Variants in RAB29 observed in about 807,000 individuals in gnomAD.
RAB29 encodes the protein RAB29, member RAS oncogene family.
Under a neutral mutation model 25.5 loss-of-function variants are expected in RAB29, and 13 were observed. The ratio of observed to expected loss-of-function variants is 0.51; its 90% CI spans 0.33 to 0.81. The LOEUF (loss-of-function observed/expected upper bound fraction) is 0.81, where lower values mean the gene tolerates loss of function less well. Ranked by LOEUF, RAB29 falls within the 30% of genes least tolerant of loss-of-function variation. The probability of loss-of-function intolerance (pLI) is 0.02; values close to 1 mark genes in which losing one functional copy is unlikely to be tolerated. For missense variants in RAB29, 201 were observed against 254.9 expected (o/e 0.79, Z 1.44); for synonymous variants, 88 against 95.0 (o/e 0.93, Z 0.43).
intron 2 of RAB29, among the ~76,000 whole-genome samples, chr1:205,772,978 T>G (rs1374013564): frequency 1.3e-5 from 2 of 152,174 alleles, no homozygotes; most frequent in African/African-American, 4.8e-5. Context: ...CACATTCAAT[T>G]TCACTGTTGG....
At chr1:205,771,310 AAAG>A (rs751101225) in intron 4 of RAB29, 159 bp downstream of exon 4, 9,554 of 482,418 alleles carry the variant, frequency 0.02, 26 homozygotes, top group East Asian at 0.037. Flanking sequence ...AAAAAAAAAA[AAAG>A]AAAGAAAGTC....
At chr1:205,773,377 A>G (rs943404313) in intron 2 of RAB29, among the ~76,000 whole-genome samples, 3 of 152,242 alleles carry the variant, frequency 2.0e-5, no homozygotes, top group Admixed American at 6.5e-5. Context: ...GCAATTGTTA[A>G]AAATTAACTA....
In RAB29 at chr1:205,769,083, A is replaced by G. The variant is rs148445283; in HGVS notation, c.*1259T>C. ...ACTAAAAAGCCCTGCCCAATTTAGT[A>G]CTTAAATTACCTAATGATTTTCTGT... On this transcript the variant is annotated 3_prime_UTR_variant, in exon 6 of 6. Coordinates refer to ENST00000367139, the MANE Select transcript of RAB29 (RefSeq NM_003929.3). The G allele has an allele frequency of 1.8e-3, 277 of 152,348 alleles. 1 individual carries two copies. The highest frequency in any genetic ancestry group is 6.3e-3 in the African/African-American group (262 of 41,578). The allele number at this position is 152,348 out of a possible 1,614,324, so 9.4% of individuals were successfully genotyped here.
chr1:205,774,807 C>G, intron 2 of RAB29, 26 bp downstream of exon 2: 1 of 1,491,100 alleles, frequency 6.7e-7, no homozygotes, highest in Non-Finnish European at 9.2e-7. Flanking sequence ...CTCCCCCTCC[C>G]CCTCCCCACC....
chr1:205,772,389 C>T, intron 3 of RAB29, 107 bp downstream of exon 3: 1 of 1,154,370 alleles, frequency 8.7e-7, no homozygotes, highest in African/African-American at 1.5e-5. Flanking sequence ...TCAATCATTC[C>T]AGCTTCAGAA....
At chr1:205,774,798 T>TGCCCCCCC in intron 2 of RAB29, 35 bp downstream of exon 2, 4 of 658,516 alleles carry the variant, frequency 6.1e-6, no homozygotes, top group Non-Finnish European at 1.1e-5. Context: ...GGCCTCCTCC[T>TGCCCCCCC]CCCCCTCCCC....
chr1:205,773,072 A>AGAATGGAAT (rs1448867267), intron 2 of RAB29, among the ~76,000 whole-genome samples: 49 of 152,338 alleles, frequency 3.2e-4, no homozygotes, highest in African/African-American at 1.2e-3. Context: ...ATCTTGGGCA[A>AGAATGGAAT]GAATGGAATA....
chr1:205,772,550 C>G lies in RAB29; in HGVS notation c.142G>C (p.Val48Leu), dbSNP rs1229777495. 1.9e-6 allele frequency: 3 copies of G among 1,613,758 alleles called. No homozygotes were observed. The highest frequency in any genetic ancestry group is 2.7e-5 in the African/African-American group (2 of 75,008). ...STVGVDFALK[V>L]LQWSDYEIVR... is the part of the protein sequence containing the mutation. The stretch of plus-strand genomic sequence containing the variant: ...ATCTCGTAGTCAGACCACTGGAGAA[C>G]CTTCAGAGCAAAATCCACTGAAAAT... The change falls in exon 3 of 6, where the codon GTT becomes CTT. Residue 48 changes from valine (V) to leucine (L), a missense_variant. By Grantham distance (32) the Val-to-Leu change is conservative (BLOSUM62 1). Coordinates refer to ENST00000367139, the MANE Select transcript of RAB29 (RefSeq NM_003929.3).
chr1:205,775,080 G>T lies in RAB29; in HGVS notation c.-124C>A. ...AGTGAGGCATTCCCACCCACCGCCT[G>T]TCTGGGCTGCTCTGACGAGAAAGCA... On this transcript the variant is annotated 5_prime_UTR_variant, in exon 2 of 6. Coordinates refer to ENST00000367139, the MANE Select transcript of RAB29 (RefSeq NM_003929.3). The T allele has an allele frequency of 7.7e-7, 1 of 1,293,122 alleles. No homozygotes were observed. 80.1% of individuals were successfully genotyped at this position (1,293,122 alleles called of 1,614,324 possible).
In RAB29 at chr1:205,768,481, C is replaced by T. The variant is rs1316429821; in HGVS notation, c.*1861G>A. 6.6e-6 allele frequency: 1 copy of T among 152,040 alleles called. No homozygotes were observed. The highest frequency in any genetic ancestry group is 2.4e-5 in the African/African-American group (1 of 41,402). 9.4% of individuals were successfully genotyped at this position (152,040 alleles called of 1,614,324 possible). A position where few individuals can be genotyped will look rare whatever the true frequency, so the allele number is the denominator to read the frequency against. ...AACAACACATTCCTAGGCTTCATCC[C>T]TAGAAATTCTGATTCAGTAGGTTTG... On this transcript the variant is annotated 3_prime_UTR_variant, in exon 6 of 6. Transcript: ENST00000367139.
Position 205,768,821 on chromosome 1 carries a change from C to T in RAB29, c.*1521G>A, listed in dbSNP as rs899540647. The T allele has an allele frequency of 2.0e-5, 3 of 152,012 alleles. No homozygotes were observed. The highest frequency in any genetic ancestry group is 6.5e-5 in the Admixed American group (1 of 15,270). 9.4% of individuals were successfully genotyped at this position (152,012 alleles called of 1,614,324 possible). A position where few individuals can be genotyped will look rare whatever the true frequency, so the allele number is the denominator to read the frequency against. ...AAGTGCTGGGATTACAGGTGTGAGC[C>T]ACCACGGCTGGCTCAGGACCCAAAA... On this transcript the variant is annotated 3_prime_UTR_variant, in exon 6 of 6. Coordinates refer to ENST00000367139, the MANE Select transcript of RAB29 (RefSeq NM_003929.3).
chr1:205,771,901 A>C (rs889274914), intron 3 of RAB29, among the ~76,000 whole-genome samples: 4 of 150,902 alleles, frequency 2.7e-5, no homozygotes, highest in African/African-American at 9.7e-5. Flanking sequence ...TCAAGCTCTC[A>C]GTGCTTCAGA....
rs1198813977 is a variant in RAB29, at chr1:205,769,882, C to T, written c.*460G>A. The stretch of plus-strand genomic sequence containing the variant: ...TCTGCATTCCAGAATCAGATGTTTA[C>T]ATTCCAAGACAGAAAGAATCTGAAA... On this transcript the variant is annotated 3_prime_UTR_variant, in exon 6 of 6. Coordinates refer to ENST00000367139, the MANE Select transcript of RAB29 (RefSeq NM_003929.3). 1 of 183,246 alleles carries T rather than the reference C, an allele frequency of 5.5e-6. No individual in the cohort carries two copies. The highest frequency in any genetic ancestry group is 2.4e-5 in the African/African-American group (1 of 41,744). The allele number at this position is 183,246 out of a possible 1,614,324, so 11.4% of individuals were successfully genotyped here. A position where few individuals can be genotyped will look rare whatever the true frequency, so the allele number is the denominator to read the frequency against.
At chr1:205,774,620 C>A (rs528728816) in intron 2 of RAB29, among the ~76,000 whole-genome samples, 1 of 152,314 alleles carries the variant, frequency 6.6e-6, no homozygotes, top group South Asian at 2.1e-4. Context: ...TGGCAGTGGG[C>A]TCAGTTTGGG....
chr1:205,774,795 T>TGCCC, intron 2 of RAB29, 38 bp downstream of exon 2: 1 of 860,522 alleles, frequency 1.2e-6, no homozygotes, highest in African/African-American at 1.7e-5. Flanking sequence ...CGGGGCCTCC[T>TGCCC]CCTCCCCCTC....
Position 205,770,445 on chromosome 1 carries a change from A to G in RAB29, c.509T>C (p.Ile170Thr). The G allele has an allele frequency of 6.2e-7, 1 of 1,613,950 alleles. No individual in the cohort carries two copies. Residue 170 changes from isoleucine to threonine, a missense_variant, in exon 6 of 6, where the codon ATT becomes ACT. Physicochemically the swap from Ile to Thr is moderately conservative, Grantham distance 89. Coordinates refer to ENST00000367139, the MANE Select transcript of RAB29 (RefSeq NM_003929.3). ...KNINEAMRVLIEKMMRNSTED... is the reference protein window; with the variant it reads ...KNINEAMRVLTEKMMRNSTED... ...TGTGGAATTTCTCATCATCTTTTCA[A>G]TGAGGACTCTAAAAGACAAAAAATA...
intron 2 of RAB29, 37 bp from the exon 3 acceptor site, chr1:205,772,604 CA>C (rs1571617979): frequency 1.9e-6 from 3 of 1,577,966 alleles, no homozygotes; most frequent in Non-Finnish European, 2.6e-6. Context: ...AATAAAATTT[CA>C]CTGTAAAAAA....
At chr1:205,774,748 C>T (rs1379807797) in intron 2 of RAB29, 85 bp downstream of exon 2, 1 of 1,421,238 alleles carries the variant, frequency 7.0e-7, no homozygotes. Context: ...GACAGCAAAT[C>T]CCCACCCCAC....
chr1:205,772,452 A>G (rs1267343604), intron 3 of RAB29, 44 bp downstream of exon 3: 4 of 1,581,874 alleles, frequency 2.5e-6, no homozygotes, highest in Non-Finnish European at 3.5e-6. Flanking sequence ...TTCTAGTTAA[A>G]TCAAAATTTC....
Sources: gnomAD v4.1 joint callset for allele counts (sites outside exome capture counted in the v4.1 genomes callset) on GRCh38, gnomAD v4.1.1 for gene constraint, MANE v1.5 for transcripts, NCBI Gene and HGNC (gene_info 2026-07-23, HGNC 2026-07-21) for gene names.